Variants in SLC35D4 observed in about 807,000 individuals in gnomAD.
The protein encoded by SLC35D4 is solute carrier family 35 member D4.
the SLC35D4 span, chr18:23,377,810 T>A: frequency 3.1e-5 from 22 of 714,226 alleles, no homozygotes; most frequent in East Asian, 6.5e-4. Flanking sequence ...ACTTTAGTAT[T>A]TATTGAGGCT....
At chr18:23,380,053 C>T in the SLC35D4 span, among the ~76,000 whole-genome samples, 12 of 152,120 alleles carry the variant, frequency 7.9e-5, no homozygotes, top group African/African-American at 1.2e-4. Context: ...ACTGAGATCA[C>T]GCCACCGCAC....
the SLC35D4 span, among the ~76,000 whole-genome samples, chr18:23,304,583 C>T: frequency 5.1e-4 from 77 of 151,408 alleles, no homozygotes; most frequent in Admixed American, 1.9e-3. Context: ...GAGAGAGAGA[C>T]GCATGTACAC....
chr18:23,344,329 G>A, the SLC35D4 span, among the ~76,000 whole-genome samples: 3 of 152,280 alleles, frequency 2.0e-5, no homozygotes, highest in Admixed American at 1.3e-4. Context: ...ATGTGCATGT[G>A]TCTTTATGGT....
chr18:23,264,321 C>A, the SLC35D4 span, among the ~76,000 whole-genome samples: 1 of 147,450 alleles, frequency 6.8e-6, no homozygotes, highest in African/African-American at 2.5e-5. Flanking sequence ...AAAACAGGAG[C>A]AAGAGGGGTG....
the SLC35D4 span, among the ~76,000 whole-genome samples, chr18:23,429,221 T>G: frequency 6.6e-6 from 1 of 152,250 alleles, no homozygotes; most frequent in Non-Finnish European, 1.5e-5. Context: ...GTAATGGGAT[T>G]GCTGGGTCAA....
chr18:23,360,117 C>A, the SLC35D4 span, among the ~76,000 whole-genome samples: 3 of 152,150 alleles, frequency 2.0e-5, no homozygotes, highest in Non-Finnish European at 4.4e-5. Context: ...CCTCACACAC[C>A]CTCTAGAAGA....
At chr18:23,365,643 G>A in the SLC35D4 span, 1 of 1,613,752 alleles carries the variant, frequency 6.2e-7, no homozygotes, top group Non-Finnish European at 8.5e-7. Context: ...CCTGTGGGAT[G>A]AGATGCAAAT....
chr18:23,253,984 G>T, the SLC35D4 span: 1 of 1,530,322 alleles, frequency 6.5e-7, no homozygotes, highest in South Asian at 1.1e-5. Context: ...GCTCCGGTCC[G>T]GGGTTCCTCT....
At chr18:23,278,979 C>T in the SLC35D4 span, among the ~76,000 whole-genome samples, 1 of 149,380 alleles carries the variant, frequency 6.7e-6, no homozygotes, top group East Asian at 2.0e-4. Flanking sequence ...TGCCACTGCA[C>T]TCCAGCTTGG....
the SLC35D4 span, among the ~76,000 whole-genome samples, chr18:23,425,877 G>C: frequency 6.6e-6 from 1 of 152,068 alleles, no homozygotes; most frequent in South Asian, 2.1e-4. Flanking sequence ...ACTGGGGAAG[G>C]GACAATTTCC....
chr18:23,390,009 C>G, the SLC35D4 span, among the ~76,000 whole-genome samples: 1 of 152,114 alleles, frequency 6.6e-6, no homozygotes, highest in East Asian at 1.9e-4. Context: ...TTTGTTAAAT[C>G]AAACAAAAAT....
At chr18:23,300,637 G>A in the SLC35D4 span, among the ~76,000 whole-genome samples, 1 of 152,334 alleles carries the variant, frequency 6.6e-6, no homozygotes, top group African/African-American at 2.4e-5. Flanking sequence ...GAGCTTTGAT[G>A]TTGTTTTCTA....
the SLC35D4 span, among the ~76,000 whole-genome samples, chr18:23,420,061 T>C: frequency 6.6e-6 from 1 of 152,146 alleles, no homozygotes; most frequent in South Asian, 2.1e-4. Context: ...CCCAGCACTT[T>C]GGGAGGCCAA....
chr18:23,331,030 C>G, the SLC35D4 span: 1 of 152,332 alleles, frequency 6.6e-6, no homozygotes, highest in Non-Finnish European at 1.5e-5. Flanking sequence ...TGGCTCATAC[C>G]TGTACTTCCA....
the SLC35D4 span, among the ~76,000 whole-genome samples, chr18:23,408,765 C>T: frequency 6.6e-6 from 1 of 151,508 alleles, no homozygotes; most frequent in African/African-American, 2.4e-5. Flanking sequence ...TGAACTTAAA[C>T]TTAGAATCTT....
At chr18:23,239,273 A>C in the SLC35D4 span, among the ~76,000 whole-genome samples, 2 of 152,128 alleles carry the variant, frequency 1.3e-5, no homozygotes, top group East Asian at 3.8e-4. Context: ...ATTTCACTGC[A>C]TTGGCTCTGC....
At chr18:23,336,038 T>C in the SLC35D4 span, among the ~76,000 whole-genome samples, 3 of 150,728 alleles carry the variant, frequency 2.0e-5, no homozygotes, top group South Asian at 2.1e-4. Context: ...TAAAAATAGC[T>C]CGGAAAAAAT....
chr18:23,437,942 G>A, the SLC35D4 span: 3 of 1,416,596 alleles, frequency 2.1e-6, no homozygotes, highest in African/African-American at 1.4e-5. Context: ...CAGCGGCAGC[G>A]GCAGCAGCCG....
chr18:23,331,920 C>G, the SLC35D4 span, among the ~76,000 whole-genome samples: 2 of 121,078 alleles, frequency 1.7e-5, no homozygotes, highest in Non-Finnish European at 3.2e-5. Context: ...GAGTCTTGCT[C>G]TGTTGCCCAG....
Sources: allele counts gnomAD v4.1 joint callset (sites outside exome capture counted in the v4.1 genomes callset), GRCh38; gene constraint gnomAD v4.1.1; transcripts MANE v1.5; gene names NCBI Gene and HGNC (gene_info 2026-07-23, HGNC 2026-07-21).